The following DOCK3 variants were observed in gnomAD, a reference collection of about 807,000 sequenced individuals.
DOCK3 encodes dedicator of cytokinesis 3, also known as dedicator of cytokinesis protein 3.
DOCK3 carries 60 observed loss-of-function variants against 265.6 expected under a neutral mutation model. That is an observed-to-expected ratio of 0.23 (90% CI 0.18 to 0.28). The LOEUF (loss-of-function observed/expected upper bound fraction) is 0.28, where lower values mean the gene tolerates loss of function less well. Ranked by LOEUF, DOCK3 falls within the 10% of genes least tolerant of loss-of-function variation. DOCK3 has a pLI of 1.00. For missense variants in DOCK3, 1,981 were observed against 2,594.3 expected, an observed-to-expected ratio of 0.76 and a Z score of 5.14; for synonymous variants, 881 against 938.0, an observed-to-expected ratio of 0.94 and a Z score of 1.11.
chr3:50,947,697 A>G (rs1281624335), intron 5 of DOCK3, among the ~76,000 whole-genome samples: 1 of 152,132 alleles, frequency 6.6e-6, no homozygotes, highest in Admixed American at 6.5e-5. Flanking sequence ...TAAAGGCTAG[A>G]CAACACTACT....
At chr3:50,806,801 C>T (rs937918802) in intron 2 of DOCK3, among the ~76,000 whole-genome samples, 4 of 152,042 alleles carry the variant, frequency 2.6e-5, no homozygotes, top group Non-Finnish European at 5.9e-5. Context: ...GCTCTAGTCT[C>T]AAGATGGTGT....
intron 3 of DOCK3, among the ~76,000 whole-genome samples, chr3:50,883,811 A>G (rs993971776): frequency 2.0e-5 from 3 of 152,202 alleles, no homozygotes; most frequent in Non-Finnish European, 4.4e-5. Context: ...TGTTTTACAA[A>G]CATCACCATT....
chr3:50,834,348 CTATT>C (rs2045376585), intron 2 of DOCK3, among the ~76,000 whole-genome samples: 1 of 152,050 alleles, frequency 6.6e-6, no homozygotes, highest in African/African-American at 2.4e-5. Context: ...CCACAATTGA[CTATT>C]AATTTTAGTT....
chr3:50,809,174 A>C (rs2043596109), intron 2 of DOCK3, among the ~76,000 whole-genome samples: 1 of 152,226 alleles, frequency 6.6e-6, no homozygotes, highest in Non-Finnish European at 1.5e-5. Flanking sequence ...AGTCACGATG[A>C]GTTATTTTAC....
intron 19 of DOCK3, among the ~76,000 whole-genome samples, chr3:51,234,927 G>A (rs1393191849): frequency 6.6e-6 from 1 of 152,154 alleles, no homozygotes; most frequent in East Asian, 1.9e-4. Context: ...TGAAGAAAAT[G>A]GAAGTATTTT....
intron 5 of DOCK3, among the ~76,000 whole-genome samples, chr3:50,935,441 C>T (rs1245043974): frequency 1.3e-5 from 2 of 152,116 alleles, no homozygotes; most frequent in Non-Finnish European, 2.9e-5. Context: ...AAACTTTCAC[C>T]CCCTACCCTA....
intron 2 of DOCK3, among the ~76,000 whole-genome samples, chr3:50,788,521 G>T (rs543830692): frequency 6.6e-6 from 1 of 152,210 alleles, no homozygotes; most frequent in South Asian, 2.1e-4. Context: ...AACTACAAGG[G>T]ACTTGGTGCA....
intron 5 of DOCK3, among the ~76,000 whole-genome samples, chr3:51,058,806 G>A (rs4511931): frequency 0.85 from 127,800 of 150,124 alleles, 54,184 homozygotes; most frequent in East Asian, 0.95. Context: ...CCTCCCCTTT[G>A]GGCCTATTTT....
At chr3:50,810,159 G>A (rs986985691) in intron 2 of DOCK3, among the ~76,000 whole-genome samples, 1 of 152,092 alleles carries the variant, frequency 6.6e-6, no homozygotes, top group African/African-American at 2.4e-5. Context: ...AAGGGTGTGT[G>A]TGTTGATGAC....
At chr3:51,015,225 G>T (rs2079104563) in intron 5 of DOCK3, among the ~76,000 whole-genome samples, 1 of 151,952 alleles carries the variant, frequency 6.6e-6, no homozygotes, top group Admixed American at 6.6e-5. Context: ...TAGAGAAAAG[G>T]CTTTCAGATT....
At chr3:51,276,339 C>A in intron 25 of DOCK3, 1 of 984,794 alleles carries the variant, frequency 1.0e-6, no homozygotes, top group Non-Finnish European at 1.2e-6. Flanking sequence ...CACATAAGAT[C>A]TACTCATAGC....
chr3:50,929,495 G>A (rs952693707), intron 4 of DOCK3, among the ~76,000 whole-genome samples: 3 of 152,164 alleles, frequency 2.0e-5, no homozygotes, highest in Non-Finnish European at 4.4e-5. Context: ...ACTTCAACCA[G>A]TGAATCTGGC....
intron 3 of DOCK3, among the ~76,000 whole-genome samples, chr3:50,863,860 G>A (rs1013694105): frequency 3.3e-5 from 5 of 152,140 alleles, no homozygotes; most frequent in African/African-American, 1.2e-4. Flanking sequence ...CCCTTCATGT[G>A]TTGATGAACA....
chr3:51,166,616 T>TCATC (rs2107589278), intron 12 of DOCK3, among the ~76,000 whole-genome samples: 1 of 152,332 alleles, frequency 6.6e-6, no homozygotes, highest in South Asian at 2.1e-4. Flanking sequence ...CACACTCTTG[T>TCATC]CATCACTTGT....
At chr3:51,106,465 A>ATGTG (rs1491368025) in intron 9 of DOCK3, among the ~76,000 whole-genome samples, 5 of 152,086 alleles carry the variant, frequency 3.3e-5, no homozygotes, top group Non-Finnish European at 7.4e-5. Flanking sequence ...CTTTGCAGGC[A>ATGTG]TGTGTGTGTG....
At chr3:51,179,924 G>A (rs558900465) in intron 12 of DOCK3, among the ~76,000 whole-genome samples, 1 of 151,684 alleles carries the variant, frequency 6.6e-6, no homozygotes, top group Non-Finnish European at 1.5e-5. Context: ...AAAAACAAGG[G>A]CCGGCGGACG....
At chr3:51,232,344 G>A (rs900542505) in intron 19 of DOCK3, among the ~76,000 whole-genome samples, 5 of 152,110 alleles carry the variant, frequency 3.3e-5, no homozygotes, top group Non-Finnish European at 5.9e-5. Flanking sequence ...ATGCATGTGC[G>A]TGTATCTTTT....
intron 9 of DOCK3, among the ~76,000 whole-genome samples, chr3:51,109,546 CA>C: frequency 6.6e-6 from 1 of 151,748 alleles, no homozygotes; most frequent in East Asian, 1.9e-4. Flanking sequence ...GATTGAGACA[CA>C]AAAAAATTCA....
At chr3:50,703,596 G>C (rs1201000506) in intron 1 of DOCK3, among the ~76,000 whole-genome samples, 2 of 151,234 alleles carry the variant, frequency 1.3e-5, no homozygotes, top group African/African-American at 4.9e-5. Flanking sequence ...TTTTCGTTAG[G>C]GTTTCCAATT....
Sources: gnomAD v4.1 joint callset for allele counts (sites outside exome capture counted in the v4.1 genomes callset) on GRCh38, gnomAD v4.1.1 for gene constraint, MANE v1.5 for transcripts, NCBI Gene and HGNC (gene_info 2026-07-23, HGNC 2026-07-21) for gene names.